The following ENPP1 variants were observed in gnomAD, a reference collection of about 807,000 sequenced individuals.
The protein encoded by ENPP1 is ectonucleotide pyrophosphatase/phosphodiesterase 1, also known as ectonucleotide pyrophosphatase/phosphodiesterase family member 1.
In ENPP1, 73 loss-of-function variants were observed where a neutral mutation model predicts 122.8. That is an observed-to-expected ratio of 0.59 (90% CI 0.49 to 0.72). The LOEUF (loss-of-function observed/expected upper bound fraction) is 0.72. Ranked by LOEUF, ENPP1 falls within the 30% of genes least tolerant of loss-of-function variation. The pLI is 0.00. For synonymous variants in ENPP1, 367 were observed against 391.6 expected, an observed-to-expected ratio of 0.94 and a Z score of 0.74; for missense variants, 978 against 1,128.1, an observed-to-expected ratio of 0.87 and a Z score of 1.91.
At chr6:131,822,746 T>C (rs1285781401) in intron 1 of ENPP1, among the ~76,000 whole-genome samples, 3 of 152,224 alleles carry the variant, frequency 2.0e-5, no homozygotes, top group African/African-American at 7.2e-5. Context: ...ATTCAGTAGG[T>C]AATCTTTGAA....
At chr6:131,826,926 TCCCA>T in intron 1 of ENPP1, 1 of 395,998 alleles carries the variant, frequency 2.5e-6, no homozygotes, top group Non-Finnish European at 4.8e-6. Flanking sequence ...ATGGGATTTT[TCCCA>T]TTTCAGGATG....
In ENPP1 at chr6:131,872,987, T is replaced by G. The variant is rs1350957714; in HGVS notation, c.1502T>G (p.Phe501Cys). The change falls in exon 15 of 25, where the codon TTT becomes TGT. Residue 501 changes from phenylalanine to cysteine, a missense_variant. Phe to Cys is a radical substitution (Grantham distance 205). Coordinates refer to ENST00000647893, the MANE Select transcript of ENPP1 (RefSeq NM_006208.3). ...LKHFLPKRLH[F>C]AKSDRIEPLT... Reference sequence around the variant, plus strand: ...CATTTCTTACCTAAGCGTTTGCACTTTGCTAAGAGTGATAGAATTGAGCCC... The same window carrying G: ...CATTTCTTACCTAAGCGTTTGCACTGTGCTAAGAGTGATAGAATTGAGCCC... The G allele has an allele frequency of 6.2e-7, 1 of 1,613,778 alleles. No individual in the cohort carries two copies. Among genetic ancestry groups the G allele is most frequent in the African/African-American group, 1.3e-5 (1 of 74,924 alleles).
intron 1 of ENPP1, among the ~76,000 whole-genome samples, chr6:131,817,754 TACACACACAC>T (rs138209749): frequency 1.7e-3 from 247 of 146,444 alleles, no homozygotes; most frequent in African/African-American, 5.7e-3. Flanking sequence ...TCTCTCTCCA[TACACACACAC>T]ACACACACAC....
In ENPP1 at chr6:131,880,069, T is replaced by C. The variant is rs545044082; in HGVS notation, c.2100+35T>C. 2.5e-6 allele frequency: 4 copies of C among 1,596,660 alleles called. No homozygotes were observed. In the South Asian group the frequency reaches 4.4e-5, roughly 18 times the overall value. ...TGTCACCTCTTTATGTGTGGCCATT[T>C]CAAATTAATGATTAAGCAGAACATT... is the stretch of plus-strand genomic sequence containing the variant. On this transcript the variant is annotated intron_variant, in intron 20 of 24. Coordinates refer to ENST00000647893, the MANE Select transcript of ENPP1 (RefSeq NM_006208.3).
intron 19 of ENPP1, 133 bp from the exon 20 acceptor site, chr6:131,879,747 A>G: frequency 1.3e-6 from 1 of 780,730 alleles, no homozygotes; most frequent in Non-Finnish European, 2.1e-6. Flanking sequence ...TACCCTTTGT[A>G]ATCAGTTTTT....
chr6:131,857,134 A>G (rs1269509757), intron 6 of ENPP1, among the ~76,000 whole-genome samples: 2 of 151,934 alleles, frequency 1.3e-5, no homozygotes, highest in Non-Finnish European at 2.9e-5. Context: ...GGCAATCATT[A>G]AAAAGTCAGG....
At chr6:131,884,852 A>G in intron 22 of ENPP1, 79 bp from the exon 23 acceptor site, 1 of 1,463,250 alleles carries the variant, frequency 6.8e-7, no homozygotes, top group Non-Finnish European at 9.6e-7. Context: ...CTAATTTTGA[A>G]TCATGGTGTT....
At chr6:131,820,384 G>A (rs1246785060) in intron 1 of ENPP1, 1 of 156,060 alleles carries the variant, frequency 6.4e-6, no homozygotes, top group Non-Finnish European at 1.4e-5. Flanking sequence ...TGATCGCCAG[G>A]GCTGATTTGG....
At chr6:131,886,202 G>A (rs112385276) in intron 23 of ENPP1, among the ~76,000 whole-genome samples, 19 of 151,984 alleles carry the variant, frequency 1.3e-4, no homozygotes, top group African/African-American at 4.4e-4. Flanking sequence ...GTCTATAATC[G>A]CCTAGAAGTT....
intron 1 of ENPP1, among the ~76,000 whole-genome samples, chr6:131,837,297 G>A (rs1044633286): frequency 2.0e-5 from 3 of 151,588 alleles, no homozygotes; most frequent in African/African-American, 4.8e-5. Flanking sequence ...AGGCCAAGGC[G>A]GGCAGATCAC....
intron 1 of ENPP1, chr6:131,826,079 A>T (rs1781543262): frequency 1.3e-6 from 1 of 781,044 alleles, no homozygotes; most frequent in African/African-American, 1.7e-5. Context: ...TGCTTTAGGG[A>T]CTGATATCCT....
rs564703656 is a variant in ENPP1, at chr6:131,891,526, T to A, written c.*1015T>A. 1 of 152,314 alleles carries A rather than the reference T, an allele frequency of 6.6e-6. No individual in the cohort carries two copies. The highest frequency in any genetic ancestry group is 2.1e-4 in the South Asian group (1 of 4,828). The allele number at this position is 152,314 out of a possible 1,614,324, so 9.4% of individuals were successfully genotyped here. On this transcript the variant is annotated 3_prime_UTR_variant, in exon 25 of 25. Coordinates refer to ENST00000647893, the MANE Select transcript of ENPP1 (RefSeq NM_006208.3). ...TGATAAATGACACAATGAACTTGAT[T>A]TCTTTACTACCTTGACTGTAGCTTT...
intron 1 of ENPP1, among the ~76,000 whole-genome samples, chr6:131,809,949 T>C (rs963032624): frequency 6.6e-6 from 1 of 152,232 alleles, no homozygotes; most frequent in African/African-American, 2.4e-5. Context: ...CTTCCACAAG[T>C]AGGACTATTA....
At chr6:131,862,214 A>G (rs745793530) in intron 9 of ENPP1, among the ~76,000 whole-genome samples, 3 of 152,138 alleles carry the variant, frequency 2.0e-5, no homozygotes, top group African/African-American at 7.2e-5. Context: ...AAAAAAGACT[A>G]GACAAGTGTT....
chr6:131,811,956 G>A (rs1178293695), intron 1 of ENPP1, among the ~76,000 whole-genome samples: 1 of 152,148 alleles, frequency 6.6e-6, no homozygotes, highest in Non-Finnish European at 1.5e-5. Flanking sequence ...AATGAGATGG[G>A]CAGAAGTACT....
rs1367619891 is a variant in ENPP1, at chr6:131,878,583, T to C, written c.1935T>C (p.Thr645=). Residue 645 remains threonine, a synonymous_variant, in exon 19 of 25, where the codon ACT becomes ACC. Transcript: ENST00000647893. The part of the protein sequence containing the change: ...IEDFQTQFNL[T]VAEEKIIKHE... ...ATTTTCAAACACAGTTCAATCTGAC[T>C]GTGGCAGAAGGTAAGGCATGCTACA... 6.2e-7 allele frequency: 1 copy of C among 1,612,774 alleles called. No homozygotes were observed.
chr6:131,849,177 T>C (rs564136225), intron 2 of ENPP1, among the ~76,000 whole-genome samples: 1 of 152,310 alleles, frequency 6.6e-6, no homozygotes, highest in South Asian at 2.1e-4. Flanking sequence ...CATTTATTCA[T>C]TTAGCAAAAA....
chr6:131,874,740 G>A (rs971215683), intron 16 of ENPP1, among the ~76,000 whole-genome samples: 1 of 151,994 alleles, frequency 6.6e-6, no homozygotes, highest in Non-Finnish European at 1.5e-5. Context: ...ACCTGCACTC[G>A]TATGTTTATC....
chr6:131,863,099 C>T (rs1217688938), intron 9 of ENPP1, among the ~76,000 whole-genome samples: 1 of 152,140 alleles, frequency 6.6e-6, no homozygotes, highest in Non-Finnish European at 1.5e-5. Context: ...TTTGCTGTTA[C>T]AATTTTTGCA....
Sources: allele counts gnomAD v4.1 joint callset (sites outside exome capture counted in the v4.1 genomes callset), GRCh38; gene constraint gnomAD v4.1.1; transcripts MANE v1.5; gene names NCBI Gene and HGNC (gene_info 2026-07-23, HGNC 2026-07-21).